ZNF695: variants seen among roughly 807,000 people sequenced by gnomAD.
ZNF695 encodes the protein zinc finger protein SBZF3.
In ZNF695, 11 loss-of-function variants were observed where a neutral mutation model predicts 11.2. That is an observed-to-expected ratio of 0.98 (90% CI 0.62 to 1.62). The LOEUF (loss-of-function observed/expected upper bound fraction) is 1.62, where lower values mean the gene tolerates loss of function less well. Ranked by LOEUF, ZNF695 falls within the 40% of genes most tolerant of loss-of-function variation. The pLI, the probability that ZNF695 is intolerant of heterozygous loss-of-function variation, is 0.00. For missense variants in ZNF695, 559 were observed against 590.5 expected, an observed-to-expected ratio of 0.95 and a Z score of 0.55; for synonymous variants, 190 against 201.4, an observed-to-expected ratio of 0.94 and a Z score of 0.48.
At chr1:246,965,207 A>G (rs1319250022) in intron 5 of ZNF695, among the ~76,000 whole-genome samples, 1 of 151,984 alleles carries the variant, frequency 6.6e-6, no homozygotes, top group African/African-American at 2.4e-5. Context: ...ACTATAAAAC[A>G]TTAGCTGGGC....
rs770144354 is a variant in ZNF695, at chr1:246,988,097, T to C, written c.418A>G (p.Ser140Gly). The part of the protein sequence containing the change: ...IVGEWKGQKA[S>G]YNGLDLCSAT... ...GAGCATAGGTCAAGTCCATTATAAC[T>C]TGCCTTCTGCCCTTTCCACTCACCC... The change falls in exon 4 of 4, where the codon AGT (serine) becomes GGT (glycine). Residue 140 changes from serine (S) to glycine (G), a missense_variant. Ser to Gly is a moderately conservative substitution (Grantham distance 56). Transcript: ENST00000339986. 1.9e-6 allele frequency: 3 copies of C among 1,613,512 alleles called. No homozygotes were observed. The highest frequency in any genetic ancestry group is 2.5e-6 in the Non-Finnish European group (3 of 1,179,798).
chr1:246,991,240 G>A (rs4971322), intron 3 of ZNF695, among the ~76,000 whole-genome samples: 2 of 152,000 alleles, frequency 1.3e-5, no homozygotes, highest in South Asian at 2.1e-4. Context: ...GAGCAATACC[G>A]CACAAACACA....
intron 3 of ZNF695, among the ~76,000 whole-genome samples, chr1:246,997,940 T>C (rs1164143159): frequency 6.6e-6 from 1 of 152,240 alleles, no homozygotes; most frequent in Non-Finnish European, 1.5e-5. Context: ...CTTTCAGTTA[T>C]AAAATAAATA....
chr1:246,967,182 C>T (rs1360536669), intron 5 of ZNF695, among the ~76,000 whole-genome samples: 1 of 152,220 alleles, frequency 6.6e-6, no homozygotes. Flanking sequence ...AGGTGATCCG[C>T]CTGCCTCGGC....
chr1:246,973,447 T>G (rs1668479840), intron 4 of ZNF695, among the ~76,000 whole-genome samples: 1 of 152,230 alleles, frequency 6.6e-6, no homozygotes, highest in Non-Finnish European at 1.5e-5. Flanking sequence ...CACTACATAA[T>G]GTGAGATTAT....
In ZNF695 at chr1:246,987,834, A is replaced by T. The variant is rs1431369994; in HGVS notation, c.681T>A (p.Phe227Leu). ...CGKAFNECSC[F>L]TDCKRIHVGE... is the part of the protein sequence containing the mutation. ...CAACATGAATTCTCTTACAGTCAGT[A>T]AAGCATGAGCACTCATTAAAGGCTT... is the stretch of plus-strand genomic sequence containing the variant. Residue 227 changes from phenylalanine to leucine, a missense_variant, in exon 4 of 4, where the codon TTT becomes TTA. Coordinates refer to ENST00000339986, the MANE Select transcript of ZNF695 (RefSeq NM_020394.5). 2 of 1,611,690 alleles carry T rather than the reference A, an allele frequency of 1.2e-6. No homozygotes were observed. The highest frequency in any genetic ancestry group is 1.7e-6 in the Non-Finnish European group (2 of 1,179,388).
intron 5 of ZNF695, among the ~76,000 whole-genome samples, chr1:246,960,221 A>G (rs929172636): frequency 3.3e-5 from 5 of 152,202 alleles, no homozygotes; most frequent in East Asian, 1.9e-4. Context: ...AATTGTAAAC[A>G]TATCAGCAAA....
chr1:246,993,100 T>C (rs557543466), intron 3 of ZNF695, among the ~76,000 whole-genome samples: 1 of 152,096 alleles, frequency 6.6e-6, no homozygotes, highest in East Asian at 1.9e-4. Flanking sequence ...AGAGGAAACA[T>C]GTGAAAACCT....
intron 4 of ZNF695, among the ~76,000 whole-genome samples, chr1:246,979,621 A>G (rs1572519991): frequency 1.3e-5 from 2 of 152,302 alleles, no homozygotes; most frequent in South Asian, 4.2e-4. Flanking sequence ...GAAATTATCT[A>G]AATGAATTTC....
At chr1:246,948,468 TA>T (rs1667792789) in intron 5 of ZNF695, among the ~76,000 whole-genome samples, 1 of 152,104 alleles carries the variant, frequency 6.6e-6, no homozygotes, top group East Asian at 1.9e-4. Context: ...CACCAGAAAA[TA>T]AAATGAGCCA....
chr1:247,007,400 G>A (rs554543331), intron 1 of ZNF695, among the ~76,000 whole-genome samples: 1 of 149,420 alleles, frequency 6.7e-6, no homozygotes, highest in South Asian at 2.1e-4. Flanking sequence ...GGAGGCTGAG[G>A]CAGGAGAATC....
At position 246,999,382 on chromosome 1, in the gene ZNF695, C is replaced by T. The variant is rs1669299811; in HGVS notation, c.225G>A (p.Trp75Ter). ...TGGCTGTCTTCTCTGTGTTCACGTT[C>T]CAGGGCTCTTTCCTTGCCTCCAGAC... ...IICLEARKEP[W>*]NVNTEKTARH... Residue 75 changes from tryptophan to a stop codon, truncating the protein, a stop_gained, in exon 3 of 4, where the codon TGG becomes TGA. Coordinates refer to ENST00000339986, the MANE Select transcript of ZNF695 (RefSeq NM_020394.5). LOFTEE classifies it low-confidence loss of function (END_TRUNC). 3 of 1,613,936 alleles carry T rather than the reference C, an allele frequency of 1.9e-6. No individual in the cohort carries two copies. Among genetic ancestry groups the T allele is most frequent in the Non-Finnish European group, 2.5e-6 (3 of 1,179,978 alleles).
chr1:246,974,052 T>C (rs780717129), intron 4 of ZNF695, among the ~76,000 whole-genome samples: 63 of 151,904 alleles, frequency 4.1e-4, no homozygotes, highest in Admixed American at 1.7e-3. Context: ...TATTTTTTCA[T>C]AAGCAGATGT....
Position 246,949,723 on chromosome 1 carries a change from C to A in ZNF695, c.489-3896G>T, listed in dbSNP as rs1025047886. ...TTTCCACCTCATCAAAGGTCCCTTA[C>A]TTCCCCACGCCTTCTTGTTATTGAG... On this transcript the variant is annotated intron_variant, in intron 5 of 5. Coordinates refer to the ZNF695 transcript ENST00000487338. Among the ~76,000 whole-genome samples, 6 of 152,148 alleles carry A rather than the reference C, an allele frequency of 3.9e-5. 1 individual carries two copies. Among genetic ancestry groups the A allele is most frequent in the Non-Finnish European group, 7.3e-5 (5 of 68,038 alleles).
At chr1:246,972,142 G>A (rs1373873409) in intron 4 of ZNF695, among the ~76,000 whole-genome samples, 1 of 152,236 alleles carries the variant, frequency 6.6e-6, no homozygotes, top group Admixed American at 6.5e-5. Context: ...ACTGTAGCAG[G>A]TCGGTGCTCC....
chr1:246,985,787 C>T lies in ZNF695; in HGVS notation c.*1180G>A, dbSNP rs1191990566. 1.0e-6 allele frequency: 1 copy of T among 985,256 alleles called. No individual in the cohort carries two copies. The highest frequency in any genetic ancestry group is 1.7e-5 in the African/African-American group (1 of 57,232). 61.0% of individuals were successfully genotyped at this position (985,256 alleles called of 1,614,324 possible). On this transcript the variant is annotated 3_prime_UTR_variant, in exon 4 of 4. Coordinates refer to ENST00000339986, the MANE Select transcript of ZNF695 (RefSeq NM_020394.5). ...GACCTATCTCATGAATCACTTACAA[C>T]CCTATTATAAGACAAGTACAAAGAG...
chr1:247,001,263 C>T (rs539239500), intron 1 of ZNF695, among the ~76,000 whole-genome samples: 1 of 151,854 alleles, frequency 6.6e-6, no homozygotes, highest in Non-Finnish European at 1.5e-5. Flanking sequence ...AACTTTAAAC[C>T]AACAATAATG....
chr1:246,996,323 C>T (rs747151194), intron 3 of ZNF695: 1 of 220,482 alleles, frequency 4.5e-6, no homozygotes, highest in Non-Finnish European at 9.1e-6. Flanking sequence ...CCATGCACTC[C>T]AGCCTTGGCG....
At chr1:246,994,054 T>C (rs781659502) in intron 3 of ZNF695, among the ~76,000 whole-genome samples, 2 of 151,998 alleles carry the variant, frequency 1.3e-5, no homozygotes, top group African/African-American at 4.8e-5. Context: ...CACAAACCTG[T>C]AGTCCCAGCT....
Sources: allele counts gnomAD v4.1 joint callset (sites outside exome capture counted in the v4.1 genomes callset), GRCh38; gene constraint gnomAD v4.1.1; transcripts MANE v1.5; gene names NCBI Gene and HGNC (gene_info 2026-07-23, HGNC 2026-07-21).